The following PCCA variants were observed in gnomAD, a reference collection of about 807,000 sequenced individuals.
The protein encoded by PCCA is propionyl-CoA carboxylase subunit alpha, also known as propionyl-CoA carboxylase alpha chain, mitochondrial.
In PCCA, 74 loss-of-function variants were observed where a neutral mutation model predicts 101.3. The observed-to-expected ratio is 0.73, with a 90% confidence interval of 0.61 to 0.89. The LOEUF is 0.89. PCCA is among the 40% of genes least tolerant of loss of function. The pLI, the probability that PCCA is intolerant of heterozygous loss-of-function variation, is 0.00. For synonymous variants in PCCA, 294 were observed against 313.6 expected (o/e 0.94, Z 0.66); for missense variants, 891 against 907.0 (o/e 0.98, Z 0.23).
Position 100,309,826 on chromosome 13 carries a change from T to C in PCCA, c.1354-7T>C. Reference sequence around the variant, plus strand: ...ATATATTGGGTTTTTTGTTTGCTTGTTTTTAGCTAATCACATATGGCTCTG... The same window carrying C: ...ATATATTGGGTTTTTTGTTTGCTTGCTTTTAGCTAATCACATATGGCTCTG... On this transcript the variant is annotated splice_region_variant and splice_polypyrimidine_tract_variant and intron_variant, in intron 15 of 23. Coordinates refer to ENST00000376285, the MANE Select transcript of PCCA (RefSeq NM_000282.4). 8 of 1,602,992 alleles carry C rather than the reference T, an allele frequency of 5.0e-6. No individual in the cohort carries two copies. Among genetic ancestry groups the C allele is most frequent in the Non-Finnish European group, 6.8e-6 (8 of 1,170,046 alleles).
At chr13:100,449,046 A>G (rs149941432) in intron 20 of PCCA, among the ~76,000 whole-genome samples, 1 of 152,382 alleles carries the variant, frequency 6.6e-6, no homozygotes, top group East Asian at 1.9e-4. Flanking sequence ...CATATAATGC[A>G]TGATCCTTGG....
chr13:100,521,502 C>T (rs2153002851), intron 22 of PCCA, among the ~76,000 whole-genome samples: 1 of 152,360 alleles, frequency 6.6e-6, no homozygotes, highest in South Asian at 2.1e-4. Flanking sequence ...ATACTGCAGT[C>T]TCCCGTGGCC....
intron 7 of PCCA, among the ~76,000 whole-genome samples, chr13:100,221,645 AT>A (rs1209529469): frequency 6.6e-6 from 1 of 151,532 alleles, no homozygotes; most frequent in Non-Finnish European, 1.5e-5. Flanking sequence ...ACTAACGACT[AT>A]TTCTGAATTT....
chr13:100,513,117 G>A (rs2086604044), intron 21 of PCCA, among the ~76,000 whole-genome samples: 1 of 152,260 alleles, frequency 6.6e-6, no homozygotes, highest in South Asian at 2.1e-4. Flanking sequence ...CGCGCCCCGT[G>A]CAGCACAGCA....
chr13:100,503,658 C>G (rs946745973), intron 21 of PCCA, among the ~76,000 whole-genome samples: 1 of 152,022 alleles, frequency 6.6e-6, no homozygotes, highest in Admixed American at 6.6e-5. Context: ...AATCCCAACA[C>G]TTTGGGAGGC....
intron 6 of PCCA, among the ~76,000 whole-genome samples, chr13:100,184,484 T>C (rs776170450): frequency 3.3e-5 from 5 of 152,236 alleles, no homozygotes; most frequent in Non-Finnish European, 7.3e-5. Context: ...TATTCAACTG[T>C]TGCACGAGCT....
chr13:100,416,917 C>T (rs2078410126), intron 19 of PCCA, among the ~76,000 whole-genome samples: 1 of 152,108 alleles, frequency 6.6e-6, no homozygotes, highest in Non-Finnish European at 1.5e-5. Flanking sequence ...GATCTCGGCT[C>T]ACTGCAACCT....
chr13:100,270,220 A>G (rs534070277), intron 11 of PCCA, among the ~76,000 whole-genome samples: 2 of 152,342 alleles, frequency 1.3e-5, no homozygotes, highest in East Asian at 3.9e-4. Context: ...GCTGAAGCTA[A>G]TTACTTGGTG....
intron 6 of PCCA, among the ~76,000 whole-genome samples, chr13:100,202,052 C>T (rs541950256): frequency 1.6e-3 from 237 of 150,906 alleles, no homozygotes; most frequent in African/African-American, 5.5e-3. Context: ...TAGCTTGACT[C>T]AGCCTGGTGG....
intron 8 of PCCA, among the ~76,000 whole-genome samples, chr13:100,253,134 A>G (rs1273722334): frequency 6.6e-6 from 1 of 152,150 alleles, no homozygotes; most frequent in African/African-American, 2.4e-5. Flanking sequence ...ACTATCTTAC[A>G]TTGTGTATAA....
At chr13:100,517,031 C>CTTTAA (rs1241750013) in intron 22 of PCCA, among the ~76,000 whole-genome samples, 1 of 124,848 alleles carries the variant, frequency 8.0e-6, no homozygotes. Flanking sequence ...AATTGTGTGG[C>CTTTAA]TTTAATTATA....
intron 16 of PCCA, among the ~76,000 whole-genome samples, chr13:100,326,451 C>T (rs983581460): frequency 1.3e-5 from 2 of 152,264 alleles, no homozygotes; most frequent in African/African-American, 2.4e-5. Flanking sequence ...ACTTATTTTA[C>T]GACATGGACC....
At chr13:100,138,987 T>G (rs2051533115) in intron 4 of PCCA, among the ~76,000 whole-genome samples, 1 of 151,392 alleles carries the variant, frequency 6.6e-6, no homozygotes, top group Non-Finnish European at 1.5e-5. Flanking sequence ...TATTTCGCCT[T>G]CATTCTTAGA....
At chr13:100,521,016 C>G (rs1441911276) in intron 22 of PCCA, among the ~76,000 whole-genome samples, 1 of 152,222 alleles carries the variant, frequency 6.6e-6, no homozygotes, top group South Asian at 2.1e-4. Flanking sequence ...GGAGCGCTTT[C>G]AGGCAGCATG....
chr13:100,386,767 A>G (rs547669501), intron 19 of PCCA, among the ~76,000 whole-genome samples: 2 of 152,210 alleles, frequency 1.3e-5, no homozygotes, highest in African/African-American at 4.8e-5. Flanking sequence ...TGATATCCAC[A>G]GAATATCTTT....
chr13:100,361,274 T>C (rs188176676), intron 18 of PCCA, among the ~76,000 whole-genome samples: 8 of 139,396 alleles, frequency 5.7e-5, no homozygotes, highest in African/African-American at 2.2e-4. Context: ...TGAACCTTAA[T>C]GTATGGACTT....
intron 4 of PCCA, among the ~76,000 whole-genome samples, chr13:100,129,134 G>A (rs1329991113): frequency 2.6e-5 from 4 of 152,134 alleles, no homozygotes; most frequent in Admixed American, 2.0e-4. Flanking sequence ...AGGAATTTAT[G>A]TTCACCATCA....
In PCCA at chr13:100,389,777, C is replaced by T. The variant is rs575297382; in HGVS notation, c.1746+21203C>T. Among the ~76,000 whole-genome samples, 6 of 152,166 alleles carry T rather than the reference C, an allele frequency of 3.9e-5. No homozygotes were observed. In the East Asian group the frequency reaches 5.8e-4, roughly 15 times the overall value. ...CTGGTGGCAGGCAGGGAGGGGGAAA[C>T]GAGTGGTGAGATGGGAGGGGCAGGC... On this transcript the variant is annotated intron_variant, in intron 19 of 23. Coordinates refer to ENST00000376285, the MANE Select transcript of PCCA (RefSeq NM_000282.4).
chr13:100,304,563 TA>T (rs1203082442), intron 14 of PCCA, among the ~76,000 whole-genome samples: 1 of 152,062 alleles, frequency 6.6e-6, no homozygotes, highest in Non-Finnish European at 1.5e-5. Flanking sequence ...GAGTTGTGCT[TA>T]GGGGGAGAGG....
Sources: gnomAD v4.1 joint callset for allele counts (sites outside exome capture counted in the v4.1 genomes callset) on GRCh38, gnomAD v4.1.1 for gene constraint, MANE v1.5 for transcripts, NCBI Gene and HGNC (gene_info 2026-07-23, HGNC 2026-07-21) for gene names.